PCSK1: variants seen among roughly 807,000 people sequenced by gnomAD.
PCSK1 encodes the protein proprotein convertase subtilisin/kexin type 1, also known as neuroendocrine convertase 1.
Under a neutral mutation model 90.6 loss-of-function variants are expected in PCSK1, and 56 were observed. The ratio of observed to expected loss-of-function variants is 0.62; its 90% CI spans 0.50 to 0.77. The LOEUF (loss-of-function observed/expected upper bound fraction) is 0.77, where lower values mean the gene tolerates loss of function less well. Among genes scored for constraint, PCSK1 ranks in the 30% least tolerant of loss-of-function variants. PCSK1 has a pLI of 0.00. For missense variants in PCSK1, 801 were observed against 932.6 expected (o/e 0.86, Z 1.84); for synonymous variants, 348 against 342.4 (o/e 1.02, Z -0.18).
Position 96,393,269 on chromosome 5 carries a change from T to C in PCSK1, c.1994A>G (p.Gln665Arg). ...RDELEEGAPS[Q>R]AMLRLLQSAF... The stretch of plus-strand genomic sequence containing the variant: ...ACTTTGCAGGAGTCGCAGCATGGCC[T>C]GGGAAGGGGCTCCCTCCTCCAACTC... Residue 665 changes from glutamine (Q) to arginine (R), a missense_variant, in exon 14 of 14, where the codon CAG (glutamine) becomes CGG (arginine). Coordinates refer to ENST00000311106, the MANE Select transcript of PCSK1 (RefSeq NM_000439.5). 6.2e-7 allele frequency: 1 copy of C among 1,613,980 alleles called. No homozygotes were observed. Among genetic ancestry groups the C allele is most frequent in the Non-Finnish European group, 8.5e-7 (1 of 1,179,944 alleles).
At chr5:96,429,774 G>A (rs1761433726) in intron 1 of PCSK1, among the ~76,000 whole-genome samples, 1 of 152,136 alleles carries the variant, frequency 6.6e-6, no homozygotes, top group Non-Finnish European at 1.5e-5. Flanking sequence ...CATTCTTCAT[G>A]AAGAAGGCAC....
rs142423997 is a variant in PCSK1 at position 96,423,469 on chromosome 5, A to G, written c.397-10T>C. The G allele has an allele frequency of 6.0e-3, 9,612 of 1,613,606 alleles. 57 individuals carry two copies. The highest frequency in any genetic ancestry group is 6.2e-3 in the Non-Finnish European group (7,255 of 1,179,534). ...TCATCCTGGTATCTTGCTGGTAAAG[A>G]AAAACAACGAAGCATTGATAAAATT... is the stretch of plus-strand genomic sequence containing the variant. On this transcript the variant is annotated splice_polypyrimidine_tract_variant and intron_variant, in intron 3 of 13. Coordinates refer to ENST00000311106, the MANE Select transcript of PCSK1 (RefSeq NM_000439.5).
In PCSK1 at chr5:96,412,853, G is replaced by T. The variant is rs537499066; in HGVS notation, c.710-363C>A. The stretch of plus-strand genomic sequence containing the variant: ...GTGGAGCAGCATCCTTGGATGAGAG[G>T]AAGTGGCCGTGATTGTTGTCAATTA... On this transcript the variant is annotated intron_variant, in intron 6 of 13. Transcript: ENST00000311106. The T allele has an allele frequency of 1.3e-5, 8 of 637,318 alleles. No individual in the cohort carries two copies. In the South Asian group the frequency reaches 3.2e-4, roughly 25 times the overall value. The allele number at this position is 637,318 out of a possible 1,614,324, so 39.5% of individuals were successfully genotyped here.
chr5:96,392,639 T>G lies in PCSK1; in HGVS notation c.*362A>C, dbSNP rs1371283971. On this transcript the variant is annotated 3_prime_UTR_variant, in exon 14 of 14. Transcript: ENST00000311106. ...TCCTTCTCATTCTTTGCAGATTATG[T>G]TTTCAAATTAATTGATATCCCAGGT... 9 of 229,696 alleles carry G rather than the reference T, an allele frequency of 3.9e-5. No individual in the cohort carries two copies. In the Admixed American group the frequency reaches 4.7e-4, roughly 12 times the overall value. The allele number at this position is 229,696 out of a possible 1,614,324, so 14.2% of individuals were successfully genotyped here.
At chr5:96,416,234 G>C in intron 5 of PCSK1, 113 bp from the exon 6 acceptor site, 1 of 741,080 alleles carries the variant, frequency 1.3e-6, no homozygotes, top group Non-Finnish European at 2.4e-6. Flanking sequence ...CCTTGTTACT[G>C]TTTTTGTTTG....
At chr5:96,431,145 A>G (rs1240111529) in intron 1 of PCSK1, among the ~76,000 whole-genome samples, 4 of 152,198 alleles carry the variant, frequency 2.6e-5, no homozygotes, top group African/African-American at 4.8e-5. Context: ...TGATGTCCAC[A>G]GTACCCACCA....
At chr5:96,402,015 A>G (rs540448143) in intron 9 of PCSK1, among the ~76,000 whole-genome samples, 1 of 152,320 alleles carries the variant, frequency 6.6e-6, no homozygotes, top group East Asian at 1.9e-4. Flanking sequence ...GCATTATGTA[A>G]TAAGTAGATG....
At chr5:96,412,689 C>CT (rs1463253651) in intron 6 of PCSK1, among the ~76,000 whole-genome samples, 199 bp from the exon 7 acceptor site, 2 of 146,960 alleles carry the variant, frequency 1.4e-5, no homozygotes, top group Admixed American at 6.8e-5. Context: ...CCCCCATAAG[C>CT]TTTTTTGTCG....
intron 2 of PCSK1, among the ~76,000 whole-genome samples, chr5:96,426,276 T>C (rs1761305099): frequency 1.3e-5 from 2 of 152,194 alleles, no homozygotes; most frequent in Non-Finnish European, 2.9e-5. Flanking sequence ...GTTTCAGGGC[T>C]CCATGGCTGA....
In PCSK1 at chr5:96,422,987, G is replaced by T. The variant is rs145380571; in HGVS notation, c.543+326C>A. On this transcript the variant is annotated intron_variant, in intron 4 of 13. Transcript: ENST00000311106. Reference sequence around the variant, plus strand: ...CTGTGACAATGATCTCAGGCAAGGGGCTTGATTTGATTACTTTAATGCCCC... The same window carrying T: ...CTGTGACAATGATCTCAGGCAAGGGTCTTGATTTGATTACTTTAATGCCCC... 2.0e-5 allele frequency among the ~76,000 whole-genome samples: 3 copies of T among 151,344 alleles called. No individual in the cohort carries two copies. In the East Asian group the frequency reaches 5.8e-4, roughly 29 times the overall value.
rs111341114 is a variant in PCSK1 at position 96,427,336 on chromosome 5, G to C, written c.286-1406C>G. On this transcript the variant is annotated intron_variant, in intron 2 of 13. Coordinates refer to ENST00000311106, the MANE Select transcript of PCSK1 (RefSeq NM_000439.5). ...GAATCATGTATTAATCTCTAGAAGA[G>C]CAGGCTGAATGGTATAGAGGAAAAT... 9.7e-3 allele frequency among the ~76,000 whole-genome samples: 1,475 copies of C among 152,264 alleles called. 30 individuals carry two copies. The highest frequency in any genetic ancestry group is 0.034 in the African/African-American group (1,428 of 41,548).
At chr5:96,420,787 A>AAGAGAGAG (rs34161803) in intron 5 of PCSK1, among the ~76,000 whole-genome samples, 19 of 143,346 alleles carry the variant, frequency 1.3e-4, no homozygotes, top group African/African-American at 4.1e-4. Flanking sequence ...GAGAGAGAGA[A>AAGAGAGAG]AGAGAGAGAG....
intron 1 of PCSK1, chr5:96,432,310 C>A (rs1004921305): frequency 4.8e-6 from 3 of 618,926 alleles, no homozygotes; most frequent in Non-Finnish European, 8.5e-6. Flanking sequence ...ACCTCCTGGT[C>A]GCGAGTCCCA....
chr5:96,412,356 G>C lies in PCSK1; in HGVS notation c.844C>G (p.Arg282Gly). The C allele has an allele frequency of 6.2e-7, 1 of 1,614,078 alleles. No individual in the cohort carries two copies. The highest frequency in any genetic ancestry group is 8.5e-7 in the Non-Finnish European group (1 of 1,180,016). The change falls in exon 7 of 14, where the codon CGG (arginine) becomes GGG (glycine). Residue 282 changes from arginine to glycine, a missense_variant. Physicochemically the swap from Arg to Gly is moderately radical, Grantham distance 125 (BLOSUM62 -2). Transcript: ENST00000311106. ...DDGKTVEGPG[R>G]LAQKAFEYGV... The stretch of plus-strand genomic sequence containing the variant: ...TATTCAAAAGCCTTCTGGGCTAGCC[G>C]GCCAGGCCCCTCCACAGTTTTCCCA...
intron 6 of PCSK1, 40 bp from the exon 7 acceptor site, chr5:96,412,530 T>A: frequency 1.3e-6 from 2 of 1,569,514 alleles, no homozygotes; most frequent in Non-Finnish European, 1.8e-6. Context: ...AAGGTTGATG[T>A]CAGTATGTAC....
chr5:96,397,609 C>T (rs1035900378), intron 11 of PCSK1, 140 bp from the exon 12 acceptor site: 3 of 726,306 alleles, frequency 4.1e-6, no homozygotes, highest in Admixed American at 4.5e-5. Context: ...AGGATAGAGA[C>T]ACTCACAAGG....
rs1208050517 is a variant in PCSK1, at chr5:96,412,939, TC to T, written c.710-450del. 2.1e-5 allele frequency: 20 copies of T among 961,258 alleles called. No homozygotes were observed. In the African/African-American group the frequency reaches 4.7e-4, roughly 23 times the overall value. The allele number at this position is 961,258 out of a possible 1,614,324, so 59.5% of individuals were successfully genotyped here. Reference sequence around the variant, plus strand: ...GACAGACCAGCTTTCAGAAAGACCCTCCAAGCAGCCCTCTGGTGATGCACCT... The same window carrying T: ...GACAGACCAGCTTTCAGAAAGACCCTCAAGCAGCCCTCTGGTGATGCACCT... On this transcript the variant is annotated intron_variant, in intron 6 of 13. Coordinates refer to ENST00000311106, the MANE Select transcript of PCSK1 (RefSeq NM_000439.5).
chr5:96,395,046 C>A (rs775645769), intron 12 of PCSK1, 21 bp from the exon 13 acceptor site: 1 of 1,569,722 alleles, frequency 6.4e-7, no homozygotes, highest in Admixed American at 1.7e-5. Context: ...AGCATACCTA[C>A]ATTTAGTATG....
chr5:96,416,331 C>A (rs1212345060), intron 5 of PCSK1, among the ~76,000 whole-genome samples: 3 of 152,190 alleles, frequency 2.0e-5, no homozygotes, highest in Admixed American at 2.0e-4. Flanking sequence ...CAAATTCTGG[C>A]TTCTGCCATT....
Sources: allele counts gnomAD v4.1 joint callset (sites outside exome capture counted in the v4.1 genomes callset), GRCh38; gene constraint gnomAD v4.1.1; transcripts MANE v1.5; gene names NCBI Gene and HGNC (gene_info 2026-07-23, HGNC 2026-07-21).